MYT1L: variants seen among roughly 807,000 people sequenced by gnomAD.
MYT1L encodes the protein myelin transcription factor 1 like.
MYT1L carries 12 observed loss-of-function variants against 126.7 expected under a neutral mutation model. That is an observed-to-expected ratio of 0.09 (90% confidence interval 0.06 to 0.15). The LOEUF is 0.15. Ranked by LOEUF, MYT1L falls within the 10% of genes least tolerant of loss-of-function variation. The pLI is 1.00. For missense variants in MYT1L, 979 were observed against 1,585.2 expected (o/e 0.62, Z 6.49); for synonymous variants, 541 against 604.2 (o/e 0.90, Z 1.53).
intron 23 of MYT1L, among the ~76,000 whole-genome samples, chr2:1,794,952 T>C (rs2033126303): frequency 1.3e-5 from 2 of 152,226 alleles, no homozygotes; most frequent in Admixed American, 1.3e-4. Flanking sequence ...TCAGAGAGAA[T>C]GTCTGGAGAC....
intron 4 of MYT1L, among the ~76,000 whole-genome samples, chr2:2,019,634 G>A (rs995742936): frequency 2.0e-5 from 3 of 152,180 alleles, no homozygotes; most frequent in African/African-American, 7.2e-5. Context: ...CTGCCATGCA[G>A]GCAAACACCT....
chr2:1,977,341 C>G (rs1378546510), intron 8 of MYT1L, among the ~76,000 whole-genome samples: 1 of 152,134 alleles, frequency 6.6e-6, no homozygotes, highest in Non-Finnish European at 1.5e-5. Flanking sequence ...ATGAACAGAT[C>G]CACACACACA....
At chr2:2,267,372 A>G (rs1443083366) in intron 2 of MYT1L, among the ~76,000 whole-genome samples, 1 of 152,214 alleles carries the variant, frequency 6.6e-6, no homozygotes, top group Non-Finnish European at 1.5e-5. Context: ...AAGATCCCCA[A>G]ACAGGTAAAA....
chr2:1,918,489 T>C (rs2053150852), intron 10 of MYT1L, among the ~76,000 whole-genome samples: 2 of 152,256 alleles, frequency 1.3e-5, no homozygotes, highest in South Asian at 2.1e-4. Flanking sequence ...AGAAAATACA[T>C]GTTTTACTTT....
chr2:1,925,285 G>T (rs1161806988), intron 9 of MYT1L, among the ~76,000 whole-genome samples: 1 of 152,210 alleles, frequency 6.6e-6, no homozygotes, highest in Non-Finnish European at 1.5e-5. Context: ...AACAAGGAAA[G>T]AAAAAGCCTG....
rs147986257 is a variant in MYT1L, at chr2:2,239,177, C to A, written c.-421+45227G>T. Among the ~76,000 whole-genome samples the A allele has an allele frequency of 2.6e-4, 39 of 152,372 alleles. No individual in the cohort carries two copies. In the East Asian group the frequency reaches 7.3e-3, roughly 29 times the overall value. On this transcript the variant is annotated intron_variant, in intron 2 of 24. Coordinates refer to ENST00000647738, the MANE Select transcript of MYT1L (RefSeq NM_001303052.2). Reference sequence around the variant, plus strand: ...ATTTCCAGTTTAGAGCCACCCCCAGCTCCTCACTGTGGCTTTTGCAGCCAC... The same window carrying A: ...ATTTCCAGTTTAGAGCCACCCCCAGATCCTCACTGTGGCTTTTGCAGCCAC...
rs1558410922 is a variant in MYT1L, at chr2:1,922,804, ACCT to A, written c.962_964del (p.Glu321del). 3 of 1,613,550 alleles carry A rather than the reference ACCT, an allele frequency of 1.9e-6. 1 individual carries two copies. The South Asian group carries it at 3.3e-5, about 18-fold the overall frequency. ...CAAACACTCCAGACTGCTCAGACAC[ACCT>A]CCTCATCGCTCTCCTCCACCATCTT... On this transcript the variant is annotated inframe_deletion, in exon 10 of 25. Transcript: ENST00000647738. The surrounding 1 kb of genome is among the most constrained non-coding windows in gnomAD (Gnocchi z 7.4).
At chr2:2,193,351 C>G (rs1473881511) in intron 2 of MYT1L, among the ~76,000 whole-genome samples, 1 of 152,130 alleles carries the variant, frequency 6.6e-6, no homozygotes, top group Non-Finnish European at 1.5e-5. Flanking sequence ...GAAAACAACA[C>G]TTTTGTCAAA....
intron 5 of MYT1L, among the ~76,000 whole-genome samples, chr2:1,990,464 A>G (rs928835816): frequency 6.6e-6 from 1 of 152,176 alleles, no homozygotes; most frequent in Non-Finnish European, 1.5e-5. Flanking sequence ...GTAACCCAAG[A>G]CAGGATGAAC....
chr2:1,999,665 A>C (rs916581251), intron 4 of MYT1L, among the ~76,000 whole-genome samples: 4 of 152,236 alleles, frequency 2.6e-5, no homozygotes, highest in Non-Finnish European at 5.9e-5. Flanking sequence ...AATGAAAACG[A>C]GTTAATACAT....
intron 18 of MYT1L, among the ~76,000 whole-genome samples, chr2:1,881,402 C>G (rs1025670198): frequency 7.3e-4 from 78 of 107,438 alleles, no homozygotes; most frequent in African/African-American, 1.3e-3. Flanking sequence ...GTGTGTGTGT[C>G]TGAAGTCATT....
intron 9 of MYT1L, among the ~76,000 whole-genome samples, chr2:1,936,998 C>G (rs958559831): frequency 6.6e-6 from 1 of 152,148 alleles, no homozygotes; most frequent in Admixed American, 6.5e-5. Context: ...ATGAGTTCTG[C>G]CTTGAATTCC....
At chr2:2,097,425 C>T (rs1172215088) in intron 3 of MYT1L, among the ~76,000 whole-genome samples, 3 of 152,154 alleles carry the variant, frequency 2.0e-5, no homozygotes, top group Non-Finnish European at 2.9e-5. Context: ...CCTGTCAACA[C>T]GTGATCTTCT....
At chr2:1,959,905 TAGA>T (rs1448011800) in intron 8 of MYT1L, among the ~76,000 whole-genome samples, 1 of 152,236 alleles carries the variant, frequency 6.6e-6, no homozygotes, top group African/African-American at 2.4e-5. Flanking sequence ...TACATTTAGA[TAGA>T]AGAAGACCTA....
chr2:2,087,328 C>T (rs867157068), intron 3 of MYT1L, among the ~76,000 whole-genome samples: 12 of 152,186 alleles, frequency 7.9e-5, no homozygotes, highest in African/African-American at 2.2e-4. Flanking sequence ...TTACAAAACT[C>T]TTAATGCCAT....
At chr2:2,246,554 G>A (rs2094540021) in intron 2 of MYT1L, among the ~76,000 whole-genome samples, 1 of 152,162 alleles carries the variant, frequency 6.6e-6, no homozygotes, top group African/African-American at 2.4e-5. Flanking sequence ...TTCTTGTCCT[G>A]CCTTCAGACA....
intron 17 of MYT1L, 28 bp from the exon 18 acceptor site, chr2:1,886,635 C>A: frequency 1.4e-6 from 2 of 1,475,616 alleles, no homozygotes; most frequent in Non-Finnish European, 1.8e-6. Flanking sequence ...ACAGGCAGGT[C>A]AGTCAACTGC....
chr2:2,257,797 C>G lies in MYT1L; in HGVS notation c.-421+26607G>C, dbSNP rs572845863. 3.8e-4 allele frequency among the ~76,000 whole-genome samples: 58 copies of G among 150,736 alleles called. 2 individuals carry two copies. The highest frequency in any genetic ancestry group is 1.3e-3 in the African/African-American group (52 of 40,346). ...GCTCCTGGGTAGGAAGAATCAATAT[C>G]GTGAAAATGGCCATACTGCCCAAGG... On this transcript the variant is annotated intron_variant, in intron 2 of 24. Transcript: ENST00000647738.
chr2:1,870,824 T>C (rs1314565226), intron 18 of MYT1L, among the ~76,000 whole-genome samples: 1 of 152,234 alleles, frequency 6.6e-6, no homozygotes, highest in Non-Finnish European at 1.5e-5. Context: ...TTAATGGAAG[T>C]ACAATATTCA....
Sources: gnomAD v4.1 joint callset for allele counts (sites outside exome capture counted in the v4.1 genomes callset) on GRCh38, gnomAD v4.1.1 for gene constraint, Gnocchi (gnomAD v3.1) non-coding constraint, MANE v1.5 for transcripts, NCBI Gene and HGNC (gene_info 2026-07-23, HGNC 2026-07-21) for gene names.